ULK4: variants seen among roughly 807,000 people sequenced by gnomAD.
The protein encoded by ULK4 is inactive serine/threonine-protein kinase ULK4.
ULK4 carries 133 observed loss-of-function variants against 160.6 expected under a neutral mutation model. The ratio of observed to expected loss-of-function variants is 0.83; its 90% CI spans 0.72 to 0.96. The LOEUF (loss-of-function observed/expected upper bound fraction) is 0.96, where lower values mean the gene tolerates loss of function less well. Ranked by LOEUF, ULK4 falls within the 40% of genes least tolerant of loss-of-function variation. The probability of loss-of-function intolerance (pLI) is 0.00; values close to 1 mark genes in which losing one functional copy is unlikely to be tolerated. For synonymous variants in ULK4, 534 were observed against 539.8 expected (o/e 0.99, Z 0.15); for missense variants, 1,580 against 1,499.5 (o/e 1.05, Z -0.89).
chr3:41,850,598 C>T, intron 17 of ULK4, among the ~76,000 whole-genome samples: 1 of 152,176 alleles, frequency 6.6e-6, no homozygotes, highest in Non-Finnish European at 1.5e-5. Flanking sequence ...GTTTTAGCTG[C>T]ATAAATGTCT....
chr3:41,735,730 G>A (rs1441895760), intron 22 of ULK4, among the ~76,000 whole-genome samples: 1 of 109,112 alleles, frequency 9.2e-6, no homozygotes, highest in Non-Finnish European at 2.0e-5. Flanking sequence ...TAAGTTTTAG[G>A]GTACATGTGC....
At chr3:41,720,958 GAAGT>G (rs2037432917) in intron 22 of ULK4, among the ~76,000 whole-genome samples, 1 of 152,090 alleles carries the variant, frequency 6.6e-6, no homozygotes, top group South Asian at 2.1e-4. Flanking sequence ...ATTGGGGTAG[GAAGT>G]ATTTAGCAAA....
At chr3:41,847,567 C>T (rs1291977607) in intron 17 of ULK4, among the ~76,000 whole-genome samples, 2 of 152,096 alleles carry the variant, frequency 1.3e-5, no homozygotes, top group African/African-American at 4.8e-5. Flanking sequence ...CTTCCCTAAC[C>T]CCTGAAATAA....
intron 19 of ULK4, among the ~76,000 whole-genome samples, chr3:41,813,223 T>A (rs1171628594): frequency 2.0e-5 from 3 of 152,146 alleles, no homozygotes; most frequent in African/African-American, 7.2e-5. Context: ...GGTGATGGGT[T>A]GATAGGTGTA....
intron 36 of ULK4, 139 bp from the exon 37 acceptor site, chr3:41,247,131 G>A (rs1380692842): frequency 4.7e-6 from 4 of 844,572 alleles, no homozygotes; most frequent in South Asian, 1.6e-5. Context: ...GCAGAAGCAG[G>A]AAATCCTGGC....
chr3:41,273,896 C>G (rs1462824706), intron 35 of ULK4, among the ~76,000 whole-genome samples: 1 of 152,052 alleles, frequency 6.6e-6, no homozygotes, highest in Non-Finnish European at 1.5e-5. Context: ...CCTCCTTGAC[C>G]TTCTATACCA....
chr3:41,317,004 C>T (rs545451067), intron 35 of ULK4, among the ~76,000 whole-genome samples: 1 of 149,738 alleles, frequency 6.7e-6, no homozygotes, highest in African/African-American at 2.5e-5. Context: ...CATTAGGACT[C>T]TCTTTATATG....
At chr3:41,451,348 T>C (rs1433821229) in intron 34 of ULK4, among the ~76,000 whole-genome samples, 1 of 151,620 alleles carries the variant, frequency 6.6e-6, no homozygotes, top group African/African-American at 2.4e-5. Context: ...AGGGGTAGCA[T>C]TGGAGGTTGG....
At chr3:41,530,004 T>C (rs2086247624) in intron 32 of ULK4, among the ~76,000 whole-genome samples, 1 of 152,146 alleles carries the variant, frequency 6.6e-6, no homozygotes, top group East Asian at 1.9e-4. Context: ...AGGGGGTACA[T>C]GGGATTTTTT....
intron 31 of ULK4, among the ~76,000 whole-genome samples, chr3:41,576,355 A>G (rs2088187512): frequency 6.6e-6 from 1 of 152,208 alleles, no homozygotes; most frequent in African/African-American, 2.4e-5. Flanking sequence ...CACCAAGTGT[A>G]GAGAAACTAT....
chr3:41,762,840 T>C (rs1294344540), intron 21 of ULK4, among the ~76,000 whole-genome samples: 2 of 151,992 alleles, frequency 1.3e-5, no homozygotes, highest in Non-Finnish European at 2.9e-5. Flanking sequence ...TTTTTTTCTG[T>C]ATTTTTAGTA....
chr3:41,789,833 C>G lies in ULK4; in HGVS notation c.2021G>C (p.Arg674Thr), dbSNP rs1362306553. 1.9e-6 allele frequency: 3 copies of G among 1,607,054 alleles called. No homozygotes were observed. Among genetic ancestry groups the G allele is most frequent in the Non-Finnish European group, 2.5e-6 (3 of 1,177,056 alleles). ...GGCAGTAGGAGAATGGCGAGTGATT[C>G]TACACAAGGCCTACAAAGACAAGAG... ...LRITAVSALC[R>T]ITRHSPTAFQ... is the part of the protein sequence containing the mutation. Residue 674 changes from arginine to threonine, a missense_variant, in exon 21 of 37, where the codon AGA becomes ACA. Coordinates refer to ENST00000301831, the MANE Select transcript of ULK4 (RefSeq NM_017886.4).
chr3:41,538,358 T>TTTTTC (rs1049466308), intron 32 of ULK4, among the ~76,000 whole-genome samples: 1 of 151,878 alleles, frequency 6.6e-6, no homozygotes, highest in African/African-American at 2.4e-5. Flanking sequence ...CCTTTTGTTT[T>TTTTTC]TTTTCTACAA....
At chr3:41,350,906 C>T (rs1043233363) in intron 35 of ULK4, among the ~76,000 whole-genome samples, 1 of 152,174 alleles carries the variant, frequency 6.6e-6, no homozygotes, top group Non-Finnish European at 1.5e-5. Context: ...CTTCTACCAA[C>T]CTCTTCTAGA....
chr3:41,581,535 C>T (rs1028923603), intron 31 of ULK4, among the ~76,000 whole-genome samples: 1 of 152,130 alleles, frequency 6.6e-6, no homozygotes. Flanking sequence ...CCTTGTATCA[C>T]AGAAAATAGA....
chr3:41,897,939 A>T (rs1017259172), intron 14 of ULK4, among the ~76,000 whole-genome samples: 5 of 152,240 alleles, frequency 3.3e-5, no homozygotes, highest in African/African-American at 1.2e-4. Context: ...CACCCTAAAT[A>T]AGACTTTCAT....
intron 17 of ULK4, among the ~76,000 whole-genome samples, chr3:41,844,358 G>A (rs568552774): frequency 1.1e-4 from 17 of 152,270 alleles, no homozygotes; most frequent in South Asian, 2.1e-4. Flanking sequence ...GCGCAGCGCC[G>A]GTGGGCCGGC....
rs188369150 is a variant in ULK4 at position 41,482,673 on chromosome 3, A to G, written c.3227-19420T>C. 2.1e-3 allele frequency among the ~76,000 whole-genome samples: 323 copies of G among 152,278 alleles called. 1 individual carries two copies. The highest frequency in any genetic ancestry group is 0.01 in the Middle Eastern group (3 of 294). ...GTCTCCAGTTGTCAAAATTCAAGTT[A>G]CTTTCTTGACTCCATACATTTTCAC... On this transcript the variant is annotated intron_variant, in intron 32 of 36. Coordinates refer to ENST00000301831, the MANE Select transcript of ULK4 (RefSeq NM_017886.4).
chr3:41,949,559 A>G (rs1700221387), intron 2 of ULK4, among the ~76,000 whole-genome samples: 1 of 151,584 alleles, frequency 6.6e-6, no homozygotes, highest in South Asian at 2.1e-4. Flanking sequence ...CAGCCTCCCA[A>G]GTAGCTGGGA....
Sources: allele counts gnomAD v4.1 joint callset (sites outside exome capture counted in the v4.1 genomes callset), GRCh38; gene constraint gnomAD v4.1.1; transcripts MANE v1.5; gene names NCBI Gene and HGNC (gene_info 2026-07-23, HGNC 2026-07-21).